ABCC1: variants seen among roughly 807,000 people sequenced by gnomAD.
The protein encoded by ABCC1 is multidrug resistance-associated protein 1.
A neutral mutation model predicts 172.9 loss-of-function variants in ABCC1; 83 were observed. The ratio of observed to expected loss-of-function variants is 0.48; its 90% CI spans 0.40 to 0.58. ABCC1 has a LOEUF of 0.58. Ranked by LOEUF, ABCC1 falls within the 20% of genes least tolerant of loss-of-function variation. ABCC1 has a pLI of 0.00. For synonymous variants in ABCC1, 937 were observed against 825.2 expected (o/e 1.14, Z -2.32); for missense variants, 1,817 against 2,002.7 (o/e 0.91, Z 1.77).
intron 1 of ABCC1, among the ~76,000 whole-genome samples, chr16:15,963,204 A>G (rs901791206): frequency 6.6e-5 from 10 of 152,242 alleles, no homozygotes; most frequent in African/African-American, 2.2e-4. Context: ...TCTCACATCC[A>G]GGTCACACTG....
intron 1 of ABCC1, among the ~76,000 whole-genome samples, chr16:15,969,535 G>T (rs924680906): frequency 6.6e-6 from 1 of 152,038 alleles, no homozygotes; most frequent in Non-Finnish European, 1.5e-5. Context: ...ACCACGCCCG[G>T]CTACTTTTTG....
intron 27 of ABCC1, among the ~76,000 whole-genome samples, chr16:16,132,837 T>C (rs559886307): frequency 2.6e-5 from 4 of 152,252 alleles, no homozygotes; most frequent in African/African-American, 4.8e-5. Flanking sequence ...GAAATTTGAA[T>C]AAGTTGCAAA....
chr16:16,135,952 G>A (rs574423927), intron 28 of ABCC1, among the ~76,000 whole-genome samples: 28 of 152,092 alleles, frequency 1.8e-4, no homozygotes, highest in African/African-American at 6.8e-4. Context: ...CATATTGAAG[G>A]CTCCAGGAAG....
chr16:16,139,879 G>A (rs946462644), intron 30 of ABCC1, among the ~76,000 whole-genome samples: 1 of 152,158 alleles, frequency 6.6e-6, no homozygotes, highest in Non-Finnish European at 1.5e-5. Flanking sequence ...CTGGGACAGC[G>A]ATCTGCAACC....
At chr16:16,017,026 C>T (rs2048024900) in intron 5 of ABCC1, among the ~76,000 whole-genome samples, 1 of 152,172 alleles carries the variant, frequency 6.6e-6, no homozygotes, top group Admixed American at 6.5e-5. Flanking sequence ...GAGTCCCCGG[C>T]ACTCCCTGTT....
In ABCC1 at chr16:16,102,154, G is replaced by A. The variant is rs1017397963; in HGVS notation, c.2645-473G>A. Among the ~76,000 whole-genome samples, 10 of 152,200 alleles carry A rather than the reference G, an allele frequency of 6.6e-5. 1 individual carries two copies. The highest frequency in any genetic ancestry group is 5.8e-4 in the East Asian group (3 of 5,204). The stretch of plus-strand genomic sequence containing the variant: ...AACTCCTGGCACTACAGGGGTCTCC[G>A]GGCCTCTGCCTGTTGGCTGATGGCC... On this transcript the variant is annotated intron_variant, in intron 19 of 30. Transcript: ENST00000399410.
chr16:16,001,616 C>T (rs1201334457), intron 1 of ABCC1, among the ~76,000 whole-genome samples: 1 of 152,102 alleles, frequency 6.6e-6, no homozygotes, highest in African/African-American at 2.4e-5. Context: ...ATGAATCTTC[C>T]TCTGAGCAGG....
intron 1 of ABCC1, among the ~76,000 whole-genome samples, chr16:15,997,481 G>A (rs1021901584): frequency 6.6e-6 from 1 of 152,202 alleles, no homozygotes; most frequent in Non-Finnish European, 1.5e-5. Context: ...CCGTGTTCAG[G>A]ACTCATCTCT....
intron 26 of ABCC1, among the ~76,000 whole-genome samples, chr16:16,126,531 C>T (rs138730814): frequency 1.3e-5 from 2 of 151,984 alleles, no homozygotes; most frequent in African/African-American, 4.8e-5. Flanking sequence ...TTACAGGTGC[C>T]TGTCATCATG....
intron 7 of ABCC1, 34 bp downstream of exon 7, chr16:16,036,637 C>T (rs929581495): frequency 6.2e-6 from 10 of 1,607,580 alleles, no homozygotes; most frequent in Admixed American, 3.4e-5. Flanking sequence ...CCAGGATGCC[C>T]TGGTCACCTC....
At chr16:15,962,756 G>A (rs2046163480) in intron 1 of ABCC1, among the ~76,000 whole-genome samples, 1 of 152,206 alleles carries the variant, frequency 6.6e-6, no homozygotes, top group Admixed American at 6.5e-5. Flanking sequence ...ATCACCTCCA[G>A]TGAGGTCCCT....
intron 5 of ABCC1, among the ~76,000 whole-genome samples, chr16:16,026,742 C>A (rs1237123485): frequency 6.6e-6 from 1 of 151,784 alleles, no homozygotes; most frequent in African/African-American, 2.4e-5. Flanking sequence ...ATGGTGAAAC[C>A]CCATCTCTAT....
chr16:15,967,004 T>C lies in ABCC1; in HGVS notation c.48+17205T>C, dbSNP rs577937725. Among the ~76,000 whole-genome samples, 6 of 152,228 alleles carry C rather than the reference T, an allele frequency of 3.9e-5. No homozygotes were observed. The South Asian group carries it at 1.2e-3, about 32-fold the overall frequency. ...CCTGCAGTGGTTTAATAGGGCTCTTTCATCTTTAACTTTGGTCCCCTGCCC... is the reference window on the plus strand; with the variant it reads ...CCTGCAGTGGTTTAATAGGGCTCTTCCATCTTTAACTTTGGTCCCCTGCCC... On this transcript the variant is annotated intron_variant, in intron 1 of 30. Coordinates refer to ENST00000399410, the MANE Select transcript of ABCC1 (RefSeq NM_004996.4).
At chr16:15,974,792 T>A (rs2046446837) in intron 1 of ABCC1, among the ~76,000 whole-genome samples, 1 of 152,064 alleles carries the variant, frequency 6.6e-6, no homozygotes, top group Non-Finnish European at 1.5e-5. Flanking sequence ...TTTCTTTCTG[T>A]TTTTCTTTTT....
chr16:16,101,532 A>C (rs1040515576), intron 19 of ABCC1, among the ~76,000 whole-genome samples: 3 of 152,080 alleles, frequency 2.0e-5, no homozygotes, highest in Non-Finnish European at 4.4e-5. Context: ...TCACCCGAGC[A>C]TGTTCCCAGG....
In ABCC1 at chr16:16,048,288, C is replaced by G; in HGVS notation, c.1365C>G (p.Leu455=). Residue 455 remains leucine (L), a synonymous_variant, in exon 10 of 31, where the codon CTC becomes CTG. Transcript: ENST00000399410. ...WSAPLQVILA[L]YLLWLNLGPS... ...CCCCCCTGCAAGTCATCCTTGCTCT[C>G]TACCTCCTGTGGCTGGTGTGTGTTT... The G allele has an allele frequency of 6.2e-7, 1 of 1,614,098 alleles. No homozygotes were observed. The highest frequency in any genetic ancestry group is 2.2e-5 in the East Asian group (1 of 44,882).
intron 1 of ABCC1, among the ~76,000 whole-genome samples, chr16:15,969,723 A>T (rs565457467): frequency 1.3e-5 from 2 of 151,718 alleles, no homozygotes; most frequent in East Asian, 3.9e-4. Context: ...TCCTGGGGAA[A>T]TTCGAGGCAA....
chr16:15,974,254 C>T (rs945253852), intron 1 of ABCC1, among the ~76,000 whole-genome samples: 2 of 152,102 alleles, frequency 1.3e-5, no homozygotes, highest in South Asian at 4.1e-4. Flanking sequence ...CTGTCTGCCT[C>T]GGTTTGGCAA....
chr16:16,106,688 C>A, intron 20 of ABCC1, 50 bp from the exon 21 acceptor site: 1 of 1,611,214 alleles, frequency 6.2e-7, no homozygotes. Flanking sequence ...GCCCTCCGAC[C>A]CTGCCCAAGG....
Sources: allele counts gnomAD v4.1 joint callset (sites outside exome capture counted in the v4.1 genomes callset), GRCh38; gene constraint gnomAD v4.1.1; transcripts MANE v1.5; gene names NCBI Gene and HGNC (gene_info 2026-07-23, HGNC 2026-07-21).